Variants in CDH13 observed in about 807,000 individuals in gnomAD.
CDH13 encodes the protein cadherin-13.
In CDH13, 24 loss-of-function variants were observed where a neutral mutation model predicts 63.8. The observed-to-expected ratio is 0.38, with a 90% CI of 0.27 to 0.53. The LOEUF (loss-of-function observed/expected upper bound fraction) is 0.53, where lower values mean the gene tolerates loss of function less well. Ranked by LOEUF, CDH13 falls within the 20% of genes least tolerant of loss-of-function variation. The probability of loss-of-function intolerance (pLI) is 0.85; values close to 1 mark genes in which losing one functional copy is unlikely to be tolerated. For missense variants in CDH13, 1,049 were observed against 903.1 expected, an observed-to-expected ratio of 1.16 and a Z score of -2.07; for synonymous variants, 503 against 355.3, an observed-to-expected ratio of 1.42 and a Z score of -4.67.
At chr16:83,312,671 G>A (rs1291334082) in intron 5 of CDH13, among the ~76,000 whole-genome samples, 1 of 152,182 alleles carries the variant, frequency 6.6e-6, no homozygotes, top group Non-Finnish European at 1.5e-5. Flanking sequence ...TGCTGCTGAT[G>A]TTAGAAGAGG....
chr16:82,846,705 A>G (rs1056184687), intron 1 of CDH13, among the ~76,000 whole-genome samples: 2 of 152,176 alleles, frequency 1.3e-5, no homozygotes, highest in African/African-American at 4.8e-5. Flanking sequence ...TTCCTTCTAG[A>G]TAATAAGTTT....
At chr16:83,781,738 A>G (rs142435933) in intron 12 of CDH13, among the ~76,000 whole-genome samples, 4 of 151,122 alleles carry the variant, frequency 2.6e-5, no homozygotes, top group Non-Finnish European at 5.9e-5. Context: ...GTTCTTTCCA[A>G]TTGGAACTTT....
intron 2 of CDH13, among the ~76,000 whole-genome samples, chr16:82,924,471 C>T (rs1055598768): frequency 6.6e-6 from 1 of 152,160 alleles, no homozygotes; most frequent in African/African-American, 2.4e-5. Context: ...TTGCGGTTTT[C>T]GGGCTTTTTC....
chr16:83,746,484 GA>G (rs1912596229), intron 10 of CDH13, among the ~76,000 whole-genome samples: 1 of 152,140 alleles, frequency 6.6e-6, no homozygotes, highest in Admixed American at 6.5e-5. Flanking sequence ...TTTGCTCTAT[GA>G]AGTAACATTC....
intron 3 of CDH13, among the ~76,000 whole-genome samples, chr16:83,064,083 G>C (rs1160584208): frequency 6.6e-6 from 1 of 152,090 alleles, no homozygotes; most frequent in Admixed American, 6.6e-5. Context: ...TATAAAGTTA[G>C]ATGAGGGCCA....
intron 1 of CDH13, among the ~76,000 whole-genome samples, chr16:82,728,699 G>A (rs1449098588): frequency 2.0e-5 from 3 of 152,068 alleles, no homozygotes; most frequent in African/African-American, 7.2e-5. Flanking sequence ...AGGTGAATTG[G>A]CAGTTTCTAA....
At chr16:82,780,051 C>G (rs777150604) in intron 1 of CDH13, among the ~76,000 whole-genome samples, 1 of 152,060 alleles carries the variant, frequency 6.6e-6, no homozygotes, top group Non-Finnish European at 1.5e-5. Context: ...CAGGTGATTT[C>G]GCCAAACAAA....
chr16:83,082,623 A>G (rs2033331099), intron 3 of CDH13, among the ~76,000 whole-genome samples: 2 of 152,174 alleles, frequency 1.3e-5, no homozygotes, highest in Admixed American at 1.3e-4. Flanking sequence ...CAGCCTGGGC[A>G]ACAAGACAAG....
At chr16:83,677,432 T>C (rs998448716) in intron 9 of CDH13, among the ~76,000 whole-genome samples, 10 of 152,182 alleles carry the variant, frequency 6.6e-5, no homozygotes, top group African/African-American at 2.4e-4. Flanking sequence ...GAGTCTAGTA[T>C]TGCTGTCCCC....
At position 83,464,791 on chromosome 16, in the gene CDH13, C is replaced by G. The variant is rs558752324; in HGVS notation, c.782-21686C>G. Among the ~76,000 whole-genome samples, 10 of 152,152 alleles carry G rather than the reference C, an allele frequency of 6.6e-5. No homozygotes were observed. In the South Asian group the frequency reaches 1.7e-3, roughly 25 times the overall value. ...GGGTAGACGTGAATTTGGGGAGGAC[C>G]CTAGTCAACCTAGTACAGAAAGTGA... On this transcript the variant is annotated intron_variant, in intron 6 of 13. Transcript: ENST00000567109.
At chr16:82,710,374 A>G (rs1028863804) in intron 1 of CDH13, among the ~76,000 whole-genome samples, 25 of 145,632 alleles carry the variant, frequency 1.7e-4, no homozygotes, top group African/African-American at 6.0e-4. Context: ...TCTACTATAA[A>G]TACAAAAAAT....
At chr16:83,059,458 G>T (rs563087539) in intron 3 of CDH13, among the ~76,000 whole-genome samples, 1 of 152,280 alleles carries the variant, frequency 6.6e-6, no homozygotes, top group South Asian at 2.1e-4. Context: ...GAACTGTCCA[G>T]TGCAGCTGCT....
intron 4 of CDH13, among the ~76,000 whole-genome samples, chr16:83,200,128 C>G (rs1250658981): frequency 6.6e-6 from 1 of 152,110 alleles, no homozygotes; most frequent in Non-Finnish European, 1.5e-5. Context: ...GCTTCAGACT[C>G]AGAGTCAGAA....
At chr16:82,740,563 G>T (rs946822069) in intron 1 of CDH13, among the ~76,000 whole-genome samples, 2 of 152,162 alleles carry the variant, frequency 1.3e-5, no homozygotes, top group African/African-American at 4.8e-5. Flanking sequence ...AGGCTGAGGG[G>T]TTGGCTGATC....
At chr16:83,734,149 A>T (rs779233654) in intron 10 of CDH13, among the ~76,000 whole-genome samples, 72 of 152,188 alleles carry the variant, frequency 4.7e-4, no homozygotes, top group Admixed American at 1.1e-3. Context: ...AAGCACAAAA[A>T]AGCAACTTAC....
At chr16:83,238,425 C>T (rs778998702) in intron 5 of CDH13, among the ~76,000 whole-genome samples, 5 of 152,158 alleles carry the variant, frequency 3.3e-5, no homozygotes, top group Non-Finnish European at 7.4e-5. Flanking sequence ...AGACCCACCC[C>T]CATGATTCAA....
intron 1 of CDH13, among the ~76,000 whole-genome samples, chr16:82,723,872 T>C (rs1415146388): frequency 1.3e-5 from 2 of 152,208 alleles, no homozygotes; most frequent in East Asian, 3.8e-4. Context: ...CTGGCCTTGA[T>C]GGAGTTTTCA....
At chr16:83,674,019 TTCTA>T (rs1421141432) in intron 9 of CDH13, among the ~76,000 whole-genome samples, 1 of 152,148 alleles carries the variant, frequency 6.6e-6, no homozygotes, top group African/African-American at 2.4e-5. Context: ...GGGCCTTGAG[TTCTA>T]TCTGTCTCTC....
intron 3 of CDH13, among the ~76,000 whole-genome samples, chr16:83,119,985 C>T (rs775554957): frequency 6.6e-6 from 1 of 152,190 alleles, no homozygotes; most frequent in Admixed American, 6.5e-5. Context: ...ACTGAAGTTT[C>T]TCCTAATGTC....
Sources: allele counts gnomAD v4.1 joint callset (sites outside exome capture counted in the v4.1 genomes callset), GRCh38; gene constraint gnomAD v4.1.1; transcripts MANE v1.5; gene names NCBI Gene and HGNC (gene_info 2026-07-23, HGNC 2026-07-21).